Variants in ODF1 observed in about 807,000 individuals in gnomAD.
ODF1 encodes outer dense fiber protein 1.
In ODF1, 10 loss-of-function variants were observed where a neutral mutation model predicts 24.0. That is an observed-to-expected ratio of 0.42 (90% CI 0.26 to 0.71). The LOEUF (loss-of-function observed/expected upper bound fraction) is 0.71, where lower values mean the gene tolerates loss of function less well. ODF1 is among the 30% of genes least tolerant of loss of function. The pLI is 0.28. For synonymous variants in ODF1, 118 were observed against 121.3 expected (o/e 0.97, Z 0.18); for missense variants, 282 against 307.9 (o/e 0.92, Z 0.63).
chr8:102,558,240 A>T (rs1402598193), intron 1 of ODF1, among the ~76,000 whole-genome samples: 3 of 152,164 alleles, frequency 2.0e-5, no homozygotes, highest in Admixed American at 6.5e-5. Context: ...TCACAAGGTC[A>T]GGAGATCGAG....
In ODF1 at chr8:102,551,753, A is replaced by G. The variant is rs1460911472; in HGVS notation, c.26A>G (p.Asp9Gly). The G allele has an allele frequency of 6.2e-7, 1 of 1,608,694 alleles. No individual in the cohort carries two copies. Among genetic ancestry groups the G allele is most frequent in the African/African-American group, 1.3e-5 (1 of 75,008 alleles). ...ATGGCTGCACTGAGTTGTCTCTTGG[A>G]CAGTGTCAGAAGGGACATAAAGAAG... is the stretch of plus-strand genomic sequence containing the variant. MAALSCLLDSVRRDIKKVD... is the reference protein window; with the variant it reads MAALSCLLGSVRRDIKKVD... Residue 9 changes from aspartate (D) to glycine (G), a missense_variant, in exon 1 of 2, where the codon GAC becomes GGC. Transcript: ENST00000285402.
rs748427672 is a variant in ODF1, at chr8:102,551,859, T to C, written c.132T>C (p.Tyr44=). The change falls in exon 1 of 2, where the codon TAT becomes TAC. Residue 44 remains tyrosine, a synonymous_variant. Coordinates refer to ENST00000285402, the MANE Select transcript of ODF1 (RefSeq NM_024410.4). ...RCLCDLYMHP[Y]CCCDLHPYPY... is the part of the protein sequence containing the mutation. ...TGTGCGACTTGTATATGCACCCCTA[T>C]TGCTGCTGTGACTTGCACCCATATC... 5.6e-6 allele frequency: 9 copies of C among 1,614,026 alleles called. No homozygotes were observed. Among genetic ancestry groups the C allele is most frequent in the Non-Finnish European group, 6.8e-6 (8 of 1,180,038 alleles).
At position 102,560,804 on chromosome 8, in the gene ODF1, AACCCGTGCAG is replaced by A. The variant is rs751927082; in HGVS notation, c.674_683del (p.Asn225ThrfsTer21). The A allele has an allele frequency of 0.028, 25,049 of 897,406 alleles. 2,744 individuals are homozygous for A. In the African/African-American group the frequency reaches 0.33, roughly 12 times the overall value. 55.6% of individuals were successfully genotyped at this position (897,406 alleles called of 1,614,324 possible). ...CCCCTGCAACCCCTGCAGCCCCTGC[AACCCGTGCAG>A]CCCATATGATCCTTGCAACCCGTGT... is the stretch of plus-strand genomic sequence containing the variant. On this transcript the variant is annotated frameshift_variant, in exon 2 of 2. Transcript: ENST00000285402. LOFTEE classifies it high-confidence loss of function.
At chr8:102,557,616 C>T (rs2131031243) in intron 1 of ODF1, among the ~76,000 whole-genome samples, 1 of 152,368 alleles carries the variant, frequency 6.6e-6, no homozygotes, top group Middle Eastern at 3.4e-3. Context: ...AGACCTGGCT[C>T]CCAGATCCAG....
At chr8:102,552,420 A>G (rs188655437) in intron 1 of ODF1, among the ~76,000 whole-genome samples, 16 of 152,298 alleles carry the variant, frequency 1.1e-4, no homozygotes, top group Non-Finnish European at 1.9e-4. Context: ...ATTTGGACTT[A>G]CAGAAATGAC....
At chr8:102,554,898 C>T (rs568050377) in intron 1 of ODF1, among the ~76,000 whole-genome samples, 12 of 152,124 alleles carry the variant, frequency 7.9e-5, no homozygotes, top group Non-Finnish European at 1.2e-4. Flanking sequence ...GTCAGGACTG[C>T]GGTAAGCCAT....
In ODF1 at chr8:102,560,869, G is replaced by C; in HGVS notation, c.738G>C (p.Arg246Ser). Residue 246 changes from arginine to serine, a missense_variant, in exon 2 of 2, where the codon AGG becomes AGC. Transcript: ENST00000285402. ...CCTGTGGAAGCCGATTTTCCTGTAG[G>C]AAGATGATTTTGTAAAGTGCGCATA... ...CYPCGSRFSCRKMIL is the reference protein window; with the variant it reads ...CYPCGSRFSCSKMIL The C allele has an allele frequency of 6.2e-7, 1 of 1,610,684 alleles. No homozygotes were observed. Among genetic ancestry groups the C allele is most frequent in the Non-Finnish European group, 8.5e-7 (1 of 1,177,972 alleles).
chr8:102,552,116 A>G, intron 1 of ODF1, 69 bp downstream of exon 1: 1 of 1,100,730 alleles, frequency 9.1e-7, no homozygotes, highest in African/African-American at 1.6e-5. Flanking sequence ...AAGGAAAAAT[A>G]TGTGACAATC....
intron 1 of ODF1, among the ~76,000 whole-genome samples, chr8:102,559,435 T>C (rs553098031): frequency 4.6e-5 from 7 of 151,688 alleles, no homozygotes; most frequent in Non-Finnish European, 8.8e-5. Context: ...AGCCCTAATA[T>C]GTAGCATTTT....
intron 1 of ODF1, among the ~76,000 whole-genome samples, chr8:102,552,355 T>G (rs998523374): frequency 6.6e-6 from 1 of 150,514 alleles, no homozygotes; most frequent in African/African-American, 2.4e-5. Context: ...TAAAAAGCCA[T>G]TGGAAGCAGC....
intron 1 of ODF1, among the ~76,000 whole-genome samples, chr8:102,553,008 A>ATAGATAGATAGATAGATAGATAGT (rs1554684407): frequency 1.8e-5 from 2 of 113,174 alleles, no homozygotes; most frequent in African/African-American, 6.9e-5. Flanking sequence ...AGATAGATAG[A>ATAGATAGATAGATAGATAGATAGT]TAGATAGATG....
At position 102,560,763 on chromosome 8, in the gene ODF1, C is replaced by G; in HGVS notation, c.632C>G (p.Pro211Arg). The part of the protein sequence containing the change: ...PCYPCTSPCS[P>R]CSPCSPCNPC... ...TACCCTTGCACTTCTCCTTGCAGCCCCTGCAGCCCCTGCAGCCCCTGCAAC... is the reference window on the plus strand; with the variant it reads ...TACCCTTGCACTTCTCCTTGCAGCCGCTGCAGCCCCTGCAGCCCCTGCAAC... The change falls in exon 2 of 2, where the codon CCC becomes CGC. Residue 211 changes from proline to arginine, a missense_variant. Pro to Arg is a moderately radical substitution (Grantham distance 103). Coordinates refer to ENST00000285402, the MANE Select transcript of ODF1 (RefSeq NM_024410.4). 1 of 1,573,496 alleles carries G rather than the reference C, an allele frequency of 6.4e-7. No homozygotes were observed. Among genetic ancestry groups the G allele is most frequent in the South Asian group, 1.1e-5 (1 of 88,600 alleles).
rs140674338 is a variant in ODF1, at chr8:102,560,468, A to G, written c.337A>G (p.Asn113Asp). The G allele has an allele frequency of 1.4e-4, 228 of 1,614,094 alleles. 1 individual carries two copies. The Middle Eastern group carries it at 2.5e-3, about 18-fold the overall frequency. ...CAATTCCAGACTGAGAAGAACAACA[A>G]ATAGAATTCTGGCTTCCTCCTGCTG... The part of the protein sequence containing the change: ...RELAKLRRTT[N>D]RILASSCCSS... The change falls in exon 2 of 2, where the codon AAT (asparagine) becomes GAT (aspartate). Residue 113 changes from asparagine to aspartate, a missense_variant. Physicochemically the swap from Asn to Asp is conservative, Grantham distance 23 (BLOSUM62 1). Transcript: ENST00000285402.
chr8:102,551,646 C>A lies in ODF1; in HGVS notation c.-82C>A. 8.5e-7 allele frequency: 1 copy of A among 1,179,972 alleles called. No homozygotes were observed. Among genetic ancestry groups the A allele is most frequent in the Non-Finnish European group, 1.2e-6 (1 of 836,222 alleles). The allele number at this position is 1,179,972 out of a possible 1,614,324, so 73.1% of individuals were successfully genotyped here. ...GTGCCTCATTTATTTTTAAAAGCAACTTCTGAGAAGGGCTTAGAACAAATT... is the reference window on the plus strand; with the variant it reads ...GTGCCTCATTTATTTTTAAAAGCAAATTCTGAGAAGGGCTTAGAACAAATT... On this transcript the variant is annotated 5_prime_UTR_variant, in exon 1 of 2. Coordinates refer to ENST00000285402, the MANE Select transcript of ODF1 (RefSeq NM_024410.4).
In ODF1 at chr8:102,560,830, C is replaced by A; in HGVS notation, c.699C>A (p.Cys233Ter). The change falls in exon 2 of 2, where the codon TGC (cysteine) becomes TGA (stop). Residue 233 changes from cysteine to a stop codon, truncating the protein, a stop_gained. Transcript: ENST00000285402. LOFTEE classifies it high-confidence loss of function. ...ACCCGTGCAGCCCATATGATCCTTG[C>A]AACCCGTGTTATCCCTGTGGAAGCC... is the stretch of plus-strand genomic sequence containing the variant. ...PCNPCSPYDP[C>*]NPCYPCGSRF... is the part of the protein sequence containing the mutation. 6.2e-7 allele frequency: 1 copy of A among 1,613,690 alleles called. No individual in the cohort carries two copies. The highest frequency in any genetic ancestry group is 8.5e-7 in the Non-Finnish European group (1 of 1,179,868).
chr8:102,553,816 A>G (rs1826078616), intron 1 of ODF1, among the ~76,000 whole-genome samples: 1 of 152,204 alleles, frequency 6.6e-6, no homozygotes, highest in East Asian at 1.9e-4. Context: ...TCGGCAGTGT[A>G]GTTTAGGCAA....
chr8:102,558,728 C>G (rs1164667672), intron 1 of ODF1, among the ~76,000 whole-genome samples: 1 of 147,264 alleles, frequency 6.8e-6, no homozygotes, highest in Non-Finnish European at 1.5e-5. Flanking sequence ...AACTCTCTCT[C>G]TACATGTATA....
intron 1 of ODF1, 50 bp downstream of exon 1, chr8:102,552,097 A>G (rs1235775160): frequency 2.2e-6 from 3 of 1,339,558 alleles, no homozygotes; most frequent in Non-Finnish European, 3.1e-6. Flanking sequence ...TAGCCTTATA[A>G]GTTGGAATAA....
chr8:102,551,823 C>T lies in ODF1; in HGVS notation c.96C>T (p.Ser32=), dbSNP rs774200345. ...AACTGAGATGCATCGACGAATTTAGCACACGGTGCCTGTGCGACTTGTATA... is the reference window on the plus strand; with the variant it reads ...AACTGAGATGCATCGACGAATTTAGTACACGGTGCCTGTGCGACTTGTATA... ...LRQLRCIDEF[S]TRCLCDLYMH... The change falls in exon 1 of 2, where the codon AGC becomes AGT. Residue 32 remains serine (S), a synonymous_variant. Transcript: ENST00000285402. 5.6e-6 allele frequency: 9 copies of T among 1,614,150 alleles called. No individual in the cohort carries two copies. The highest frequency in any genetic ancestry group is 7.6e-6 in the Non-Finnish European group (9 of 1,180,026).
Sources: allele counts gnomAD v4.1 joint callset (sites outside exome capture counted in the v4.1 genomes callset), GRCh38; gene constraint gnomAD v4.1.1; transcripts MANE v1.5; gene names NCBI Gene and HGNC (gene_info 2026-07-23, HGNC 2026-07-21).